The following PSKH1 variants were observed in gnomAD, a reference collection of about 807,000 sequenced individuals.
PSKH1 encodes protein serine kinase H1.
PSKH1 carries 12 observed loss-of-function variants against 26.7 expected under a neutral mutation model. The ratio of observed to expected loss-of-function variants is 0.45; its 90% CI spans 0.29 to 0.73. The LOEUF (loss-of-function observed/expected upper bound fraction) is 0.73, where lower values mean the gene tolerates loss of function less well. Ranked by LOEUF, PSKH1 falls within the 30% of genes least tolerant of loss-of-function variation. The probability of loss-of-function intolerance (pLI) is 0.11; values close to 1 mark genes in which losing one functional copy is unlikely to be tolerated. For missense variants in PSKH1, 431 were observed against 595.2 expected (o/e 0.72, Z 2.87); for synonymous variants, 213 against 234.3 (o/e 0.91, Z 0.83).
chr16:67,909,925 T>G lies in PSKH1; in HGVS notation c.957+219T>G, dbSNP rs1183447579. 3.5e-5 allele frequency: 20 copies of G among 579,598 alleles called. No homozygotes were observed. The highest frequency in any genetic ancestry group is 6.1e-5 in the Non-Finnish European group (20 of 325,574). The allele number at this position is 579,598 out of a possible 1,614,324, so 35.9% of individuals were successfully genotyped here. A position where few individuals can be genotyped will look rare whatever the true frequency, so the allele number is the denominator to read the frequency against. On this transcript the variant is annotated intron_variant, in intron 2 of 2. Coordinates refer to ENST00000291041, the MANE Select transcript of PSKH1 (RefSeq NM_006742.3). This position sits in a 1 kb window ranked among gnomAD's most constrained non-coding sequence, Gnocchi z 7.8. ...GGGAGCAGATAGTTTATTTGGGATG[T>G]GATTTGAGTAACTAAAAGTGAAGGA...
intron 2 of PSKH1, among the ~76,000 whole-genome samples, chr16:67,919,695 C>T (rs757376185): frequency 3.9e-5 from 6 of 152,200 alleles, no homozygotes; most frequent in Non-Finnish European, 5.9e-5. Flanking sequence ...GGCAGTGGAC[C>T]CTCAGTTGGT....
chr16:67,903,730 G>T (rs534506164), intron 1 of PSKH1, among the ~76,000 whole-genome samples: 2 of 151,666 alleles, frequency 1.3e-5, no homozygotes, highest in Non-Finnish European at 2.9e-5. Context: ...ACCACTTGCC[G>T]CTGAGCTGTG....
chr16:67,924,351 A>G (rs144188173), intron 2 of PSKH1, among the ~76,000 whole-genome samples: 35 of 152,302 alleles, frequency 2.3e-4, no homozygotes, highest in African/African-American at 7.7e-4. Context: ...AGAGGGATCA[A>G]TCTGGCTCGC....
At position 67,908,923 on chromosome 16, in the gene PSKH1, T is replaced by C; in HGVS notation, c.174T>C (p.Tyr58=). ...CCGGGTTCCCAGCAGCAAGTCAGTA[T>C]GCACACCCCTGCCCCGGTCCCCCGA... The part of the protein sequence containing the change: ...VKAGFPAASQ[Y]AHPCPGPPTA... Residue 58 remains tyrosine, a synonymous_variant, in exon 2 of 3, where the codon TAT becomes TAC. Coordinates refer to ENST00000291041, the MANE Select transcript of PSKH1 (RefSeq NM_006742.3). 1.2e-6 allele frequency: 2 copies of C among 1,614,126 alleles called. No homozygotes were observed. Among genetic ancestry groups the C allele is most frequent in the South Asian group, 1.1e-5 (1 of 91,078 alleles).
chr16:67,907,457 C>T (rs964421141), intron 1 of PSKH1, among the ~76,000 whole-genome samples: 11 of 152,018 alleles, frequency 7.2e-5, no homozygotes, highest in African/African-American at 2.7e-4. Context: ...AATGGGGTTT[C>T]ACCATATTGG....
chr16:67,910,827 G>A (rs775915882), intron 2 of PSKH1, among the ~76,000 whole-genome samples: 1 of 152,220 alleles, frequency 6.6e-6, no homozygotes, highest in African/African-American at 2.4e-5. Flanking sequence ...TAAAATGTTA[G>A]AATATTCTGA....
intron 1 of PSKH1, among the ~76,000 whole-genome samples, chr16:67,904,262 C>T (rs141039314): frequency 0.036 from 5,434 of 151,924 alleles, 117 homozygotes; most frequent in Middle Eastern, 0.16. Flanking sequence ...AGTGCAGTGG[C>T]GCGATCTTGG....
At chr16:67,912,632 G>A (rs1053066212) in intron 2 of PSKH1, among the ~76,000 whole-genome samples, 1 of 152,184 alleles carries the variant, frequency 6.6e-6, no homozygotes, top group Non-Finnish European at 1.5e-5. Context: ...ACTTTGGGAG[G>A]CCAAGGTGGG....
intron 1 of PSKH1, among the ~76,000 whole-genome samples, chr16:67,902,283 T>C (rs2058144104): frequency 6.6e-6 from 1 of 151,368 alleles, no homozygotes; most frequent in Non-Finnish European, 1.5e-5. Flanking sequence ...GAAATAAAAA[T>C]GAATCGAAAA....
At chr16:67,917,597 C>T (rs1748518953) in intron 2 of PSKH1, among the ~76,000 whole-genome samples, 1 of 152,188 alleles carries the variant, frequency 6.6e-6, no homozygotes, top group South Asian at 2.1e-4. Flanking sequence ...ATTGGTGATG[C>T]CCTGGGAAGC....
chr16:67,914,739 C>A (rs2058182361), intron 2 of PSKH1, among the ~76,000 whole-genome samples: 1 of 152,180 alleles, frequency 6.6e-6, no homozygotes, highest in African/African-American at 2.4e-5. Flanking sequence ...CAGGCGTGAG[C>A]CACCGCACCC....
At chr16:67,894,713 G>A (rs546257981) in intron 1 of PSKH1, among the ~76,000 whole-genome samples, 1 of 152,278 alleles carries the variant, frequency 6.6e-6, no homozygotes, top group African/African-American at 2.4e-5. Context: ...ATAGGGGCTA[G>A]CCTCCAGTAG....
intron 2 of PSKH1, among the ~76,000 whole-genome samples, chr16:67,916,585 C>T (rs1040481652): frequency 6.6e-6 from 1 of 152,070 alleles, no homozygotes; most frequent in African/African-American, 2.4e-5. Context: ...GTTGGGAGCC[C>T]TCTGCACTGT....
chr16:67,909,266 G>C lies in PSKH1; in HGVS notation c.517G>C (p.Glu173Gln). The part of the protein sequence containing the change: ...ETQERVYMVM[E>Q]LATGGELFDR... ...ACAGGAGCGGGTGTACATGGTGATG[G>C]AGCTGGCCACTGGTGGAGAGCTCTT... The change falls in exon 2 of 3, where the codon GAG (glutamate) becomes CAG (glutamine). Residue 173 changes from glutamate (E) to glutamine (Q), a missense_variant. By Grantham distance (29) the Glu-to-Gln change is conservative. Transcript: ENST00000291041. The surrounding 1 kb of genome is among the most constrained non-coding windows in gnomAD (Gnocchi z 7.8). 6.2e-7 allele frequency: 1 copy of C among 1,614,092 alleles called. No individual in the cohort carries two copies. Among genetic ancestry groups the C allele is most frequent in the Non-Finnish European group, 8.5e-7 (1 of 1,180,020 alleles).
chr16:67,906,361 C>T (rs148666324), intron 1 of PSKH1, among the ~76,000 whole-genome samples: 4,505 of 149,626 alleles, frequency 0.03, 96 homozygotes, highest in Middle Eastern at 0.17. Context: ...CGTGAGCCTC[C>T]GCGCCCAGCC....
chr16:67,916,394 C>T (rs2058188010), intron 2 of PSKH1, among the ~76,000 whole-genome samples: 1 of 152,152 alleles, frequency 6.6e-6, no homozygotes, highest in Admixed American at 6.5e-5. Context: ...TCCATGCAGC[C>T]CCAGTCCTCT....
rs1598189453 is a variant in PSKH1, at chr16:67,909,119, T to G, written c.370T>G (p.Tyr124Asp). The change falls in exon 2 of 3, where the codon TAT (tyrosine) becomes GAT (aspartate). Residue 124 changes from tyrosine to aspartate, a missense_variant. Transcript: ENST00000291041. This position sits in a 1 kb window ranked among gnomAD's most constrained non-coding sequence, Gnocchi z 7.8. ...AGAGCACCGGGCAACCCGGCAGCCGTATGCCATCAAGATGATTGAGACCAA... is the reference window on the plus strand; with the variant it reads ...AGAGCACCGGGCAACCCGGCAGCCGGATGCCATCAAGATGATTGAGACCAA... The part of the protein sequence containing the change: ...RVEHRATRQP[Y>D]AIKMIETKYR... 6.2e-7 allele frequency: 1 copy of G among 1,612,978 alleles called. No individual in the cohort carries two copies. Among genetic ancestry groups the G allele is most frequent in the Non-Finnish European group, 8.5e-7 (1 of 1,179,634 alleles).
At chr16:67,925,094 T>C (rs2058212439) in intron 2 of PSKH1, among the ~76,000 whole-genome samples, 1 of 151,784 alleles carries the variant, frequency 6.6e-6, no homozygotes. Context: ...CGGAAGCCAC[T>C]GCTCCTGGCT....
In PSKH1 at chr16:67,929,641, G is replaced by C; in HGVS notation, c.*1999G>C. ...ACGTATCCTCTGTATTCAGTAAACA[G>C]GCTGCCTCTCCAGGGAGGGCTGCCA... On this transcript the variant is annotated 3_prime_UTR_variant, in exon 3 of 3. Transcript: ENST00000291041. 2.2e-6 allele frequency: 1 copy of C among 461,554 alleles called. No homozygotes were observed. The highest frequency in any genetic ancestry group is 3.9e-6 in the Non-Finnish European group (1 of 253,440). 28.6% of individuals were successfully genotyped at this position (461,554 alleles called of 1,614,324 possible). A position where few individuals can be genotyped will look rare whatever the true frequency, so the allele number is the denominator to read the frequency against.
Sources: allele counts gnomAD v4.1 joint callset (sites outside exome capture counted in the v4.1 genomes callset), GRCh38; gene constraint gnomAD v4.1.1; non-coding constraint Gnocchi (gnomAD v3.1); transcripts MANE v1.5; gene names NCBI Gene and HGNC (gene_info 2026-07-23, HGNC 2026-07-21).